The following MYO9A variants were observed in gnomAD, a reference collection of about 807,000 sequenced individuals.
MYO9A encodes the protein unconventional myosin-IXa.
Under a neutral mutation model 293.3 loss-of-function variants are expected in MYO9A, and 103 were observed. That is an observed-to-expected ratio of 0.35 (90% CI 0.30 to 0.41). MYO9A has a LOEUF of 0.41. Ranked by LOEUF, MYO9A falls within the 10% of genes least tolerant of loss-of-function variation. MYO9A has a pLI of 1.00. For missense variants in MYO9A, 2,685 were observed against 3,033.0 expected (o/e 0.89, Z 2.69); for synonymous variants, 1,001 against 1,035.7 (o/e 0.97, Z 0.64).
At chr15:71,958,668 C>G (rs1452300432) in intron 14 of MYO9A, 3 of 151,988 alleles carry the variant, frequency 2.0e-5, no homozygotes, top group Non-Finnish European at 1.5e-5. Context: ...TTTGTATATG[C>G]ATGTTATGTT....
intron 15 of MYO9A, among the ~76,000 whole-genome samples, chr15:71,948,692 G>A (rs1020503710): frequency 5.3e-5 from 8 of 152,046 alleles, no homozygotes; most frequent in African/African-American, 1.7e-4. Flanking sequence ...GATTTCCCTC[G>A]AGCCTGAAGA....
chr15:72,044,763 G>GA (rs2078332361), intron 2 of MYO9A, among the ~76,000 whole-genome samples: 1 of 152,212 alleles, frequency 6.6e-6, no homozygotes, highest in African/African-American at 2.4e-5. Context: ...TAAGCTTGCA[G>GA]AAATACAAAT....
chr15:72,066,831 C>G (rs956029207), intron 1 of MYO9A, among the ~76,000 whole-genome samples: 1 of 151,686 alleles, frequency 6.6e-6, no homozygotes, highest in African/African-American at 2.4e-5. Flanking sequence ...TGAGGTTGCA[C>G]CATTGCTCTC....
chr15:71,981,545 G>C (rs992404392), intron 11 of MYO9A, among the ~76,000 whole-genome samples: 1 of 152,034 alleles, frequency 6.6e-6, no homozygotes, highest in Non-Finnish European at 1.5e-5. Context: ...TTAACATAAA[G>C]TTATTCAGTG....
chr15:71,997,564 A>G (rs539409510), intron 9 of MYO9A, among the ~76,000 whole-genome samples: 21 of 152,250 alleles, frequency 1.4e-4, no homozygotes, highest in Non-Finnish European at 2.9e-4. Flanking sequence ...ACACCACTGC[A>G]CTCCAGCCCA....
chr15:71,969,341 T>C (rs2075956222), intron 12 of MYO9A, among the ~76,000 whole-genome samples: 1 of 152,228 alleles, frequency 6.6e-6, no homozygotes, highest in South Asian at 2.1e-4. Context: ...CAATGGAATA[T>C]AACTTACTAT....
intron 15 of MYO9A, among the ~76,000 whole-genome samples, chr15:71,939,726 AT>A (rs2058726334): frequency 6.6e-6 from 1 of 152,248 alleles, no homozygotes; most frequent in African/African-American, 2.4e-5. Context: ...TGTTCTTCAA[AT>A]CATATGATAA....
At chr15:72,025,681 A>T (rs1751069396) in intron 4 of MYO9A, among the ~76,000 whole-genome samples, 1 of 152,198 alleles carries the variant, frequency 6.6e-6, no homozygotes, top group Admixed American at 6.5e-5. Context: ...TAAGAGAAGA[A>T]GCACACAATT....
intron 1 of MYO9A, among the ~76,000 whole-genome samples, chr15:72,086,459 G>A (rs2079732747): frequency 6.6e-6 from 1 of 152,148 alleles, no homozygotes; most frequent in African/African-American, 2.4e-5. Flanking sequence ...GGCAGGGCAG[G>A]GCTGAAAGGC....
intron 13 of MYO9A, among the ~76,000 whole-genome samples, chr15:71,961,929 G>T (rs1157503519): frequency 6.6e-6 from 1 of 151,790 alleles, no homozygotes; most frequent in East Asian, 1.9e-4. Context: ...TTGCCATGTT[G>T]CCCAGGCTGG....
chr15:71,892,069 G>A (rs192080879), intron 26 of MYO9A: 110 of 151,410 alleles, frequency 7.3e-4, no homozygotes, highest in African/African-American at 2.6e-3. Context: ...TTAGACATAC[G>A]GTCTTTATCT....
chr15:71,897,426 T>C (rs2057360927), intron 25 of MYO9A, 35 bp downstream of exon 25: 4 of 1,540,926 alleles, frequency 2.6e-6, no homozygotes, highest in East Asian at 2.3e-5. Context: ...CTCCAAGAAG[T>C]TTCCCATTTA....
chr15:71,856,040 G>A (rs1298374012), intron 34 of MYO9A, among the ~76,000 whole-genome samples: 2 of 152,180 alleles, frequency 1.3e-5, no homozygotes, highest in African/African-American at 4.8e-5. Flanking sequence ...GCCCGGCACA[G>A]TGGCTCACAC....
chr15:71,826,321 C>T lies in MYO9A; in HGVS notation c.*259G>A. 2.0e-5 allele frequency: 8 copies of T among 405,610 alleles called. 1 individual carries two copies. In the South Asian group the frequency reaches 4.2e-4, roughly 21 times the overall value. 25.1% of individuals were successfully genotyped at this position (405,610 alleles called of 1,614,324 possible). A position where few individuals can be genotyped will look rare whatever the true frequency, so the allele number is the denominator to read the frequency against. ...GAGGCAACTACAACTGACCCAAATCCCCAGGCCCTAGGTGGCTTTGTATAG... is the reference window on the plus strand; with the variant it reads ...GAGGCAACTACAACTGACCCAAATCTCCAGGCCCTAGGTGGCTTTGTATAG... On this transcript the variant is annotated 3_prime_UTR_variant, in exon 42 of 42. Transcript: ENST00000356056.
Position 71,859,717 on chromosome 15 carries a change from T to A in MYO9A, c.6153+18A>T, listed in dbSNP as rs777970073. The stretch of plus-strand genomic sequence containing the variant: ...CAACAGGTCTGTTATCTATTACTGA[T>A]AGGTGATAATTTCTTACCTTTTTAG... On this transcript the variant is annotated intron_variant, in intron 34 of 41. Transcript: ENST00000356056. 14 of 1,596,288 alleles carry A rather than the reference T, an allele frequency of 8.8e-6. No individual in the cohort carries two copies. The Admixed American group carries it at 2.3e-4, about 27-fold the overall frequency.
At chr15:72,027,226 C>A (rs2077701458) in intron 4 of MYO9A, among the ~76,000 whole-genome samples, 1 of 151,956 alleles carries the variant, frequency 6.6e-6, no homozygotes, top group Non-Finnish European at 1.5e-5. Context: ...AATGAGATGC[C>A]CAAGGCATAC....
In MYO9A at chr15:71,978,252, T is replaced by A. The variant is rs1237599084; in HGVS notation, c.1763A>T (p.Asp588Val). 1.2e-6 allele frequency: 2 copies of A among 1,612,606 alleles called. No individual in the cohort carries two copies. ...RTEGISWHNI[D>V]YIDNTCCINL... ...TATGCAGCAGGTATTATCAATGTAA[T>A]CTATGTTGTGCCAGCTGATACCTTC... is the stretch of plus-strand genomic sequence containing the variant. The change falls in exon 12 of 42, where the codon GAT becomes GTT. Residue 588 changes from aspartate to valine, a missense_variant. This residue lies in a region of MYO9A where 201 missense variants were observed against 245.2 expected (regional missense o/e 0.82). Transcript: ENST00000356056.
chr15:71,834,606 T>G (rs1476964988), intron 39 of MYO9A, among the ~76,000 whole-genome samples: 1 of 142,504 alleles, frequency 7.0e-6, no homozygotes, highest in Non-Finnish European at 1.5e-5. Context: ...ACCCCTTCTC[T>G]AAAAAAAAAA....
intron 4 of MYO9A, among the ~76,000 whole-genome samples, chr15:72,025,364 A>T (rs2077631954): frequency 6.6e-6 from 1 of 152,170 alleles, no homozygotes; most frequent in Non-Finnish European, 1.5e-5. Flanking sequence ...CATTGAGCAA[A>T]AAAACTTTTT....
Sources: gnomAD v4.1 joint callset for allele counts (sites outside exome capture counted in the v4.1 genomes callset) on GRCh38, gnomAD v4.1.1 for gene constraint, gnomAD v4.1.1 regional missense constraint, MANE v1.5 for transcripts, NCBI Gene and HGNC (gene_info 2026-07-23, HGNC 2026-07-21) for gene names.